The following FARSA variants were observed in gnomAD, a reference collection of about 807,000 sequenced individuals.
FARSA encodes the protein phenylalanyl-tRNA synthetase subunit alpha.
Under a neutral mutation model 63.2 loss-of-function variants are expected in FARSA, and 37 were observed. The ratio of observed to expected loss-of-function variants is 0.59; its 90% CI spans 0.45 to 0.77. The LOEUF is 0.77. Among genes scored for constraint, FARSA ranks in the 30% least tolerant of loss-of-function variants. The pLI, the probability that FARSA is intolerant of heterozygous loss-of-function variation, is 0.00. For missense variants in FARSA, 618 were observed against 696.6 expected, an observed-to-expected ratio of 0.89 and a Z score of 1.27; for synonymous variants, 312 against 285.1, an observed-to-expected ratio of 1.09 and a Z score of -0.95.
intron 12 of FARSA, 29 bp from the exon 13 acceptor site, chr19:12,922,915 T>G: frequency 6.2e-7 from 1 of 1,613,956 alleles, no homozygotes; most frequent in Non-Finnish European, 8.5e-7. Context: ...GAGTTTATCA[T>G]GAGGTCAGCA....
intron 7 of FARSA, among the ~76,000 whole-genome samples, chr19:12,926,422 C>T (rs879572997): frequency 4.6e-5 from 7 of 152,022 alleles, no homozygotes; most frequent in Non-Finnish European, 1.0e-4. Flanking sequence ...CAGGCGCCCG[C>T]CACTATGCCT....
chr19:12,922,903 C>G lies in FARSA; in HGVS notation c.1389-17G>C. Reference sequence around the variant, plus strand: ...ATCGTTGGGCTTGTGGGGGAGGGAACAGAGTTTATCATGAGGTCAGCACGT... The same window carrying G: ...ATCGTTGGGCTTGTGGGGGAGGGAAGAGAGTTTATCATGAGGTCAGCACGT... On this transcript the variant is annotated splice_polypyrimidine_tract_variant and intron_variant, in intron 12 of 12. Coordinates refer to ENST00000314606, the MANE Select transcript of FARSA (RefSeq NM_004461.3). The G allele has an allele frequency of 1.2e-6, 2 of 1,614,056 alleles. No individual in the cohort carries two copies. Among genetic ancestry groups the G allele is most frequent in the Non-Finnish European group, 1.7e-6 (2 of 1,180,006 alleles).
rs750994681 is a variant in FARSA at position 12,928,515 on chromosome 19, G to A, written c.725+20C>T. 5.0e-6 allele frequency: 8 copies of A among 1,613,928 alleles called. No homozygotes were observed. Among genetic ancestry groups the A allele is most frequent in the South Asian group, 2.2e-5 (2 of 91,064 alleles). On this transcript the variant is annotated intron_variant, in intron 6 of 12. Coordinates refer to ENST00000314606, the MANE Select transcript of FARSA (RefSeq NM_004461.3). ...GTACCCAGCAGAAGCACCAGGCACC[G>A]CCCCCAGCCCTGTGCTCACCCCATC... is the stretch of plus-strand genomic sequence containing the variant.
chr19:12,929,407 A>G (rs1035916784), intron 4 of FARSA, among the ~76,000 whole-genome samples: 7 of 152,156 alleles, frequency 4.6e-5, no homozygotes, highest in African/African-American at 1.7e-4. Flanking sequence ...AGGTTTCACC[A>G]TGTTGGCCAG....
Position 12,933,669 on chromosome 19 carries a change from G to A in FARSA, c.28C>T (p.Leu10=), listed in dbSNP as rs1244995268. Residue 10 remains leucine, a synonymous_variant, in exon 1 of 13, where the codon CTG becomes TTG. Coordinates refer to ENST00000314606, the MANE Select transcript of FARSA (RefSeq NM_004461.3). Reference sequence around the variant, plus strand: ...TCAGACGCCTCCAGCCGCCGGAGCAGCAGTTCCGCCACCTGACCATCCGCC... The same window carrying A: ...TCAGACGCCTCCAGCCGCCGGAGCAACAGTTCCGCCACCTGACCATCCGCC... MADGQVAEL[L]LRRLEASDGG... is the part of the protein sequence containing the mutation. 2.5e-6 allele frequency: 4 copies of A among 1,571,054 alleles called. No individual in the cohort carries two copies. Among genetic ancestry groups the A allele is most frequent in the East Asian group, 2.3e-5 (1 of 42,744 alleles).
At chr19:12,928,509 G>A (rs1971352542) in intron 6 of FARSA, 26 bp downstream of exon 6, 1 of 1,613,850 alleles carries the variant, frequency 6.2e-7, no homozygotes, top group Non-Finnish European at 8.5e-7. Context: ...AGAAGCACCA[G>A]GCACCGCCCC....
chr19:12,925,224 C>CCT, intron 7 of FARSA, 50 bp from the exon 8 acceptor site: 1 of 1,164,674 alleles, frequency 8.6e-7, no homozygotes. Flanking sequence ...TTTCCCACCC[C>CCT]TTTTTTTTTT....
intron 1 of FARSA, among the ~76,000 whole-genome samples, chr19:12,932,341 T>C (rs1971406663): frequency 6.6e-6 from 1 of 152,132 alleles, no homozygotes; most frequent in Non-Finnish European, 1.5e-5. Flanking sequence ...AAATTCTAAT[T>C]ACTATAATTA....
rs1288065551 is a variant in FARSA at position 12,926,277 on chromosome 19, T to C, written c.842-1103A>G. Among the ~76,000 whole-genome samples the C allele has an allele frequency of 5.8e-5, 7 of 119,782 alleles. No homozygotes were observed. The Admixed American group carries it at 6.4e-4, about 11-fold the overall frequency. 78.6% of individuals were successfully genotyped at this position (119,782 alleles called of 152,430 possible). Reference sequence around the variant, plus strand: ...ATTTTTTTTTTTTAAAGGGACAAAATTTTTTTTTTTTTTAGACGGAGTCTC... The same window carrying C: ...ATTTTTTTTTTTTAAAGGGACAAAACTTTTTTTTTTTTTAGACGGAGTCTC... On this transcript the variant is annotated intron_variant, in intron 7 of 12. Coordinates refer to ENST00000314606, the MANE Select transcript of FARSA (RefSeq NM_004461.3).
At chr19:12,930,144 A>C (rs1478902577) in intron 4 of FARSA, 79 bp downstream of exon 4, 2 of 1,144,414 alleles carry the variant, frequency 1.7e-6, no homozygotes, top group Non-Finnish European at 2.6e-6. Context: ...TGGTGTGGGC[A>C]AGATGTCTCC....
At chr19:12,925,196 C>A (rs1326784107) in intron 7 of FARSA, 22 bp from the exon 8 acceptor site, 1 of 1,556,122 alleles carries the variant, frequency 6.4e-7, no homozygotes, top group East Asian at 2.4e-5. Flanking sequence ...AGAGCAACAT[C>A]AGGTCAGTCA....
chr19:12,930,859 T>C, intron 1 of FARSA, 110 bp from the exon 2 acceptor site: 4 of 1,281,446 alleles, frequency 3.1e-6, no homozygotes, highest in Non-Finnish European at 4.4e-6. Context: ...TAAAGCTAGG[T>C]TCACATCCCA....
At chr19:12,930,071 G>A in intron 4 of FARSA, 152 bp downstream of exon 4, 1 of 674,282 alleles carries the variant, frequency 1.5e-6, no homozygotes, top group Non-Finnish European at 2.6e-6. Flanking sequence ...AAGACCCCAA[G>A]GCACGTAGGC....
intron 4 of FARSA, 59 bp downstream of exon 4, chr19:12,930,164 T>C: frequency 7.5e-7 from 1 of 1,333,664 alleles, no homozygotes; most frequent in South Asian, 1.2e-5. Flanking sequence ...CCTCCCACCA[T>C]GCCTCCACCA....
intron 1 of FARSA, among the ~76,000 whole-genome samples, chr19:12,931,894 G>C (rs1438106310): frequency 6.6e-6 from 1 of 152,150 alleles, no homozygotes; most frequent in Admixed American, 6.6e-5. Context: ...GTGACCTCAG[G>C]AAAGTTGCTT....
In FARSA at chr19:12,928,802, G is replaced by A. The variant is rs764501970; in HGVS notation, c.549C>T (p.Thr183=). The A allele has an allele frequency of 6.2e-7, 1 of 1,613,984 alleles. No individual in the cohort carries two copies. The highest frequency in any genetic ancestry group is 2.2e-5 in the East Asian group (1 of 44,890). The change falls in exon 5 of 13, where the codon ACC becomes ACT. Residue 183 remains threonine, a synonymous_variant. Coordinates refer to ENST00000314606, the MANE Select transcript of FARSA (RefSeq NM_004461.3). ...YWVSKGSAFS[T]SISKQETELS... The stretch of plus-strand genomic sequence containing the variant: ...GCTCTGTCTCTTGCTTGGAGATGCT[G>A]GTACTAAAGGCACTGCCTTTGCTCA...
chr19:12,928,895 G>A, intron 4 of FARSA, 48 bp from the exon 5 acceptor site: 2 of 1,546,856 alleles, frequency 1.3e-6, no homozygotes, highest in East Asian at 2.2e-5. Context: ...TCCTCCTAGA[G>A]GACTTCCTTG....
rs1427041028 is a variant in FARSA, at chr19:12,933,504, T to C, written c.147+46A>G. 5.9e-6 allele frequency: 9 copies of C among 1,529,458 alleles called. No homozygotes were observed. In the African/African-American group the frequency reaches 8.2e-5, roughly 14 times the overall value. The allele number at this position is 1,529,458 out of a possible 1,614,324, so 94.7% of individuals were successfully genotyped here. A position where few individuals can be genotyped will look rare whatever the true frequency, so the allele number is the denominator to read the frequency against. ...CGTAGAGCGCCCGTGGCAAGGGGAC[T>C]GTAGGTGCAAGGGCAAGGCGGTCCG... is the stretch of plus-strand genomic sequence containing the variant. On this transcript the variant is annotated intron_variant, in intron 1 of 12. Transcript: ENST00000314606.
Position 12,924,433 on chromosome 19 carries a change from C to T in FARSA, c.1273+16G>A. The T allele has an allele frequency of 6.2e-7, 1 of 1,612,338 alleles. No homozygotes were observed. Among genetic ancestry groups the T allele is most frequent in the African/African-American group, 1.3e-5 (1 of 75,032 alleles). On this transcript the variant is annotated intron_variant, in intron 11 of 12. Coordinates refer to ENST00000314606, the MANE Select transcript of FARSA (RefSeq NM_004461.3). The surrounding 1 kb of genome is among the most constrained non-coding windows in gnomAD (Gnocchi z 6.4). ...TGAGACCTCCCTCCCACCCCAGTAC[C>T]AGGGCCTACCCTGACCTTGGTGGTA... is the stretch of plus-strand genomic sequence containing the variant.
Sources: allele counts gnomAD v4.1 joint callset (sites outside exome capture counted in the v4.1 genomes callset), GRCh38; gene constraint gnomAD v4.1.1; non-coding constraint Gnocchi (gnomAD v3.1); transcripts MANE v1.5; gene names NCBI Gene and HGNC (gene_info 2026-07-23, HGNC 2026-07-21).